Variants in SAXO2 observed in about 807,000 individuals in gnomAD.
The protein encoded by SAXO2 is family with sequence similarity 154, member B.
Under a neutral mutation model 18.7 loss-of-function variants are expected in SAXO2, and 17 were observed. That is an observed-to-expected ratio of 0.91 (90% CI 0.62 to 1.36). SAXO2 has a LOEUF of 1.36. SAXO2 is among the 40% of genes most tolerant of loss of function. SAXO2 has a pLI of 0.00. For synonymous variants in SAXO2, 163 were observed against 181.2 expected (o/e 0.90, Z 0.81); for missense variants, 486 against 562.6 (o/e 0.86, Z 1.38).
In SAXO2 at chr15:82,283,148, GATATA is replaced by G; in HGVS notation, c.*90_*94del. 1 of 853,006 alleles carries G rather than the reference GATATA, an allele frequency of 1.2e-6. No homozygotes were observed. The allele number at this position is 853,006 out of a possible 1,614,324, so 52.8% of individuals were successfully genotyped here. On this transcript the variant is annotated 3_prime_UTR_variant, in exon 4 of 4. Coordinates refer to ENST00000682753, the MANE Select transcript of SAXO2 (RefSeq NM_001348699.2). ...CAATTTTTATAGTTAAAAAATTTAT[GATATA>G]ATAAATCATTTTTTATATTTTTAAA...
intron 3 of SAXO2, among the ~76,000 whole-genome samples, chr15:82,277,748 G>C (rs1318504753): frequency 1.3e-5 from 2 of 152,192 alleles, no homozygotes; most frequent in African/African-American, 4.8e-5. Flanking sequence ...TTCACCCAAA[G>C]CAGGGCATGG....
intron 1 of SAXO2, chr15:82,263,428 C>G: frequency 2.8e-6 from 2 of 706,628 alleles, no homozygotes; most frequent in Non-Finnish European, 5.1e-6. Flanking sequence ...ATCCGCCTGA[C>G]TGAAAAGTCA....
At chr15:82,275,085 A>G (rs987832628) in intron 3 of SAXO2, among the ~76,000 whole-genome samples, 24 of 151,922 alleles carry the variant, frequency 1.6e-4, no homozygotes, top group African/African-American at 5.3e-4. Context: ...AAGTGACATC[A>G]CAATTGATCC....
At chr15:82,268,129 T>G in intron 2 of SAXO2, among the ~76,000 whole-genome samples, 1 of 152,214 alleles carries the variant, frequency 6.6e-6, no homozygotes, top group South Asian at 2.1e-4. Flanking sequence ...TGAGATTGAT[T>G]AAATGGGAAT....
intron 3 of SAXO2, 184 bp downstream of exon 3, chr15:82,271,986 G>A: frequency 1.8e-6 from 1 of 540,712 alleles, no homozygotes; most frequent in Non-Finnish European, 3.3e-6. Flanking sequence ...CCATTTGTCT[G>A]ATTGAGTGGT....
chr15:82,271,474 A>G (rs2141368086), intron 2 of SAXO2, 129 bp from the exon 3 acceptor site: 2 of 751,974 alleles, frequency 2.7e-6, no homozygotes, highest in Non-Finnish European at 2.1e-6. Context: ...ATCAACTATT[A>G]CCATTTTAAT....
chr15:82,264,518 A>G (rs1259632515), intron 1 of SAXO2, among the ~76,000 whole-genome samples: 1 of 152,186 alleles, frequency 6.6e-6, no homozygotes, highest in East Asian at 1.9e-4. Context: ...ATTAGCTTAT[A>G]TGATATATTG....
At chr15:82,268,194 A>G (rs1211132993) in intron 2 of SAXO2, among the ~76,000 whole-genome samples, 1 of 152,116 alleles carries the variant, frequency 6.6e-6, no homozygotes, top group African/African-American at 2.4e-5. Flanking sequence ...TGATGCCTTA[A>G]TGGTTCATAT....
At position 82,281,054 on chromosome 15, in the gene SAXO2, C is replaced by T. The variant is rs551014685; in HGVS notation, c.434-1065C>T. Among the ~76,000 whole-genome samples, 13 of 152,302 alleles carry T rather than the reference C, an allele frequency of 8.5e-5. 1 individual carries two copies. The South Asian group carries it at 2.7e-3, about 32-fold the overall frequency. The stretch of plus-strand genomic sequence containing the variant: ...AGTTTGACCTTTCCTGTAAATATTG[C>T]ATAGACTTTAGTCCAGATTTTAGTA... On this transcript the variant is annotated intron_variant, in intron 3 of 3. Transcript: ENST00000682753.
intron 3 of SAXO2, among the ~76,000 whole-genome samples, chr15:82,277,111 TAAG>T (rs1380751454): frequency 6.6e-6 from 1 of 152,142 alleles, no homozygotes; most frequent in Non-Finnish European, 1.5e-5. Context: ...AATCTCATAA[TAAG>T]TCAAAAATTC....
chr15:82,274,098 A>G (rs988934459), intron 3 of SAXO2, among the ~76,000 whole-genome samples: 1 of 152,054 alleles, frequency 6.6e-6, no homozygotes, highest in African/African-American at 2.4e-5. Flanking sequence ...AATACCAGTA[A>G]TACTGTTGTC....
rs538908554 is a variant in SAXO2, at chr15:82,283,054, G to T, written c.1369G>T (p.Ala457Ser). The T allele has an allele frequency of 1.2e-5, 19 of 1,603,518 alleles. No individual in the cohort carries two copies. Among genetic ancestry groups the T allele is most frequent in the South Asian group, 4.5e-5 (4 of 88,690 alleles). ...CCGCAAGATTATTCCTGCAGTGAAG[G>T]CCTTCTAATAACCAAAATGTGCTTA... ...FFRKIIPAVK[A>S]F is the part of the protein sequence containing the mutation. Residue 457 changes from alanine (A) to serine (S), a missense_variant, in exon 4 of 4, where the codon GCC becomes TCC. By Grantham distance (99) the Ala-to-Ser change is moderately conservative. Coordinates refer to ENST00000682753, the MANE Select transcript of SAXO2 (RefSeq NM_001348699.2).
intron 3 of SAXO2, among the ~76,000 whole-genome samples, chr15:82,274,474 C>T (rs189461954): frequency 5.6e-4 from 85 of 151,910 alleles, no homozygotes; most frequent in Non-Finnish European, 9.9e-4. Flanking sequence ...GAGGCCAAGG[C>T]GGGTGAATCA....
intron 2 of SAXO2, among the ~76,000 whole-genome samples, chr15:82,265,999 C>G (rs754991039): frequency 7.9e-4 from 120 of 151,782 alleles, no homozygotes; most frequent in Non-Finnish European, 1.6e-3. Flanking sequence ...TAAAATATCT[C>G]ATATTTATCT....
At position 82,264,992 on chromosome 15, in the gene SAXO2, C is replaced by T. The variant is rs2075201312; in HGVS notation, c.54-577C>T. ...CTTTCTGCAAGAGCATGGGAAATTC[C>T]CTATTAGCTTTTCAGCTTCTATAGT... On this transcript the variant is annotated intron_variant, in intron 1 of 3. Transcript: ENST00000682753. The T allele has an allele frequency of 1.8e-5, 9 of 511,180 alleles. No individual in the cohort carries two copies. In the East Asian group the frequency reaches 2.8e-4, roughly 16 times the overall value. 31.7% of individuals were successfully genotyped at this position (511,180 alleles called of 1,614,324 possible). A position where few individuals can be genotyped will look rare whatever the true frequency, so the allele number is the denominator to read the frequency against.
intron 2 of SAXO2, 82 bp downstream of exon 2, chr15:82,265,830 T>G: frequency 9.1e-7 from 1 of 1,099,788 alleles, no homozygotes; most frequent in Non-Finnish European, 1.2e-6. Context: ...CTATTTAAAT[T>G]GAACTGTTCA....
intron 3 of SAXO2, among the ~76,000 whole-genome samples, chr15:82,281,603 G>T (rs2075362547): frequency 6.6e-6 from 1 of 152,180 alleles, no homozygotes. Flanking sequence ...GAGTATACCA[G>T]AATTAAATTT....
At chr15:82,270,974 C>A (rs2075265884) in intron 2 of SAXO2, among the ~76,000 whole-genome samples, 1 of 152,144 alleles carries the variant, frequency 6.6e-6, no homozygotes, top group African/African-American at 2.4e-5. Flanking sequence ...CTACCTCTGT[C>A]ACATAATGTT....
At position 82,282,707 on chromosome 15, in the gene SAXO2, G is replaced by GA. The variant is rs1354306860; in HGVS notation, c.1027dup (p.Ser343LysfsTer19). 20 of 1,613,944 alleles carry GA rather than the reference G, an allele frequency of 1.2e-5. No individual in the cohort carries two copies. Among genetic ancestry groups the GA allele is most frequent in the African/African-American group, 8.0e-5 (6 of 74,908 alleles). Reference sequence around the variant, plus strand: ...AGAAGTAACAATTTTCCTTTCCAAGGAAAAAGCATCATGAAAGAAGATTTT... The same window carrying GA: ...AGAAGTAACAATTTTCCTTTCCAAGGAAAAAAGCATCATGAAAGAAGATTTT... On this transcript the variant is annotated frameshift_variant, in exon 4 of 4. Coordinates refer to ENST00000682753, the MANE Select transcript of SAXO2 (RefSeq NM_001348699.2). LOFTEE classifies it high-confidence loss of function.
Sources: gnomAD v4.1 joint callset for allele counts (sites outside exome capture counted in the v4.1 genomes callset) on GRCh38, gnomAD v4.1.1 for gene constraint, MANE v1.5 for transcripts, NCBI Gene and HGNC (gene_info 2026-07-23, HGNC 2026-07-21) for gene names.